ARMH3: variants seen among roughly 807,000 people sequenced by gnomAD.
The protein encoded by ARMH3 is armadillo-like helical domain-containing protein 3.
In ARMH3, 60 loss-of-function variants were observed where a neutral mutation model predicts 99.1. The ratio of observed to expected loss-of-function variants is 0.61; its 90% CI spans 0.49 to 0.75. The LOEUF (loss-of-function observed/expected upper bound fraction) is 0.75. Ranked by LOEUF, ARMH3 falls within the 30% of genes least tolerant of loss-of-function variation. The pLI, the probability that ARMH3 is intolerant of heterozygous loss-of-function variation, is 0.00. For missense variants in ARMH3, 679 were observed against 843.1 expected, an observed-to-expected ratio of 0.81 and a Z score of 2.41; for synonymous variants, 285 against 292.8, an observed-to-expected ratio of 0.97 and a Z score of 0.27.
chr10:101,914,864 CAAA>C (rs373264871), intron 23 of ARMH3, among the ~76,000 whole-genome samples: 2 of 66,598 alleles, frequency 3.0e-5, no homozygotes, highest in African/African-American at 1.3e-4. Context: ...AAATCCATCT[CAAA>C]AAAAAAAAAA....
chr10:101,988,642 G>T (rs1397183996), intron 19 of ARMH3, among the ~76,000 whole-genome samples: 2 of 152,204 alleles, frequency 1.3e-5, no homozygotes, highest in Admixed American at 6.5e-5. Flanking sequence ...AAGCCGGAAG[G>T]TTGGGCACAG....
intron 22 of ARMH3, among the ~76,000 whole-genome samples, chr10:101,954,440 G>A (rs913340731): frequency 6.6e-6 from 1 of 152,148 alleles, no homozygotes; most frequent in Non-Finnish European, 1.5e-5. Context: ...AGACTCAAAA[G>A]GTTATATCAT....
intron 19 of ARMH3, among the ~76,000 whole-genome samples, chr10:101,986,130 C>T (rs908765751): frequency 6.6e-6 from 1 of 152,162 alleles, no homozygotes; most frequent in African/African-American, 2.4e-5. Context: ...GGGCTTCTTT[C>T]ATGCTTGTAG....
At chr10:101,943,196 A>T (rs1844320989) in intron 22 of ARMH3, among the ~76,000 whole-genome samples, 1 of 152,194 alleles carries the variant, frequency 6.6e-6, no homozygotes, top group Admixed American at 6.5e-5. Flanking sequence ...GCAAGGAGGG[A>T]GTTTGACAGA....
intron 23 of ARMH3, among the ~76,000 whole-genome samples, chr10:101,894,259 G>A (rs2067763748): frequency 6.6e-6 from 1 of 152,182 alleles, no homozygotes; most frequent in African/African-American, 2.4e-5. Flanking sequence ...AAGAAAAATA[G>A]TCTAACACTG....
At chr10:101,890,216 TC>T (rs1313979702) in intron 23 of ARMH3, among the ~76,000 whole-genome samples, 1 of 150,234 alleles carries the variant, frequency 6.7e-6, no homozygotes, top group Non-Finnish European at 1.5e-5. Context: ...GAGAGACAAA[TC>T]TCTTTTTTTC....
In ARMH3 at chr10:101,956,709, A is replaced by G; in HGVS notation, c.1593T>C (p.Phe531=). The G allele has an allele frequency of 6.2e-7, 1 of 1,613,222 alleles. No individual in the cohort carries two copies. Among genetic ancestry groups the G allele is most frequent in the Non-Finnish European group, 8.5e-7 (1 of 1,179,318 alleles). The change falls in exon 22 of 26, where the codon TTT becomes TTC. Residue 531 remains phenylalanine (F), a synonymous_variant. Coordinates refer to ENST00000370033, the MANE Select transcript of ARMH3 (RefSeq NM_024541.3). The part of the protein sequence containing the change: ...FTLALMIVNL[F]NMFITYGDTF... ...TGTCGCCATATGTGATAAACATATT[A>G]AATAGGTTCACAATCTAAAAAAGAA...
intron 23 of ARMH3, among the ~76,000 whole-genome samples, chr10:101,908,657 T>C (rs1447157762): frequency 2.0e-5 from 3 of 151,192 alleles, no homozygotes; most frequent in African/African-American, 7.3e-5. Context: ...GTGGGTTTTT[T>C]CTTTTTCTTT....
chr10:101,953,502 G>C lies in ARMH3; in HGVS notation c.1705+3095C>G, dbSNP rs939097550. Among the ~76,000 whole-genome samples, 3 of 147,462 alleles carry C rather than the reference G, an allele frequency of 2.0e-5. No homozygotes were observed. The South Asian group carries it at 6.5e-4, about 32-fold the overall frequency. ...TCTTGATCCTCCCGCCTGGGACTCT[G>C]AAAGTGCTGGGATTACAAACGTCAG... On this transcript the variant is annotated intron_variant, in intron 22 of 25. Transcript: ENST00000370033.
chr10:101,953,000 G>A (rs1844860302), intron 22 of ARMH3, among the ~76,000 whole-genome samples: 1 of 152,152 alleles, frequency 6.6e-6, no homozygotes, highest in African/African-American at 2.4e-5. Context: ...CTTTCCTTTT[G>A]AAGGCTGCAT....
chr10:102,011,763 T>C lies in ARMH3; in HGVS notation c.791A>G (p.Glu264Gly), dbSNP rs1432513771. ...EYNRQYKDKE[E>G]EHQSGFFSAL... ...AGAGAAAAAACCACTTTGGTGTTCT[T>C]CTTCCTTGTCTTTATACTGCCTAAA... Residue 264 changes from glutamate (E) to glycine (G), a missense_variant, in exon 11 of 26, where the codon GAA becomes GGA. By Grantham distance (98) the Glu-to-Gly change is moderately conservative (BLOSUM62 -2). This residue lies in a region of ARMH3 where 280 missense variants were observed against 354.6 expected (regional missense o/e 0.79). Transcript: ENST00000370033. 1 of 1,610,822 alleles carries C rather than the reference T, an allele frequency of 6.2e-7. No homozygotes were observed. Among genetic ancestry groups the C allele is most frequent in the Non-Finnish European group, 8.5e-7 (1 of 1,178,310 alleles).
At chr10:101,850,396 G>A (rs1187051864) in intron 24 of ARMH3, among the ~76,000 whole-genome samples, 1 of 148,166 alleles carries the variant, frequency 6.7e-6, no homozygotes, top group African/African-American at 2.5e-5. Context: ...ATTGAGCCTG[G>A]CCAACTTTCT....
intron 24 of ARMH3, among the ~76,000 whole-genome samples, chr10:101,888,733 T>C (rs989018766): frequency 6.6e-6 from 1 of 152,212 alleles, no homozygotes; most frequent in Non-Finnish European, 1.5e-5. Context: ...TCTTATTTAG[T>C]GCTTTTTAAA....
intron 1 of ARMH3, among the ~76,000 whole-genome samples, chr10:102,047,360 C>A (rs571515561): frequency 1.3e-5 from 2 of 152,218 alleles, no homozygotes; most frequent in African/African-American, 2.4e-5. Flanking sequence ...AGAGTCTGTA[C>A]AATCCTCAGC....
At chr10:101,915,399 G>A (rs1485669168) in intron 23 of ARMH3, among the ~76,000 whole-genome samples, 1 of 152,184 alleles carries the variant, frequency 6.6e-6, no homozygotes, top group African/African-American at 2.4e-5. Flanking sequence ...GTAGTCAGCA[G>A]TGAGCACACT....
chr10:102,012,583 CA>C (rs1345742737), intron 10 of ARMH3, among the ~76,000 whole-genome samples: 1 of 152,076 alleles, frequency 6.6e-6, no homozygotes, highest in Non-Finnish European at 1.5e-5. Flanking sequence ...AATAAAATAC[CA>C]AAAGTTGCAA....
At chr10:101,983,813 A>G (rs1464619652) in intron 19 of ARMH3, among the ~76,000 whole-genome samples, 1 of 152,174 alleles carries the variant, frequency 6.6e-6, no homozygotes, top group Non-Finnish European at 1.5e-5. Context: ...TTTGTAATAA[A>G]CTGGTAAATG....
chr10:101,953,870 T>C (rs1340469983), intron 22 of ARMH3, among the ~76,000 whole-genome samples: 1 of 152,136 alleles, frequency 6.6e-6, no homozygotes, highest in African/African-American at 2.4e-5. Context: ...AAAATCCCAT[T>C]GCTAGGTACA....
intron 10 of ARMH3, 26 bp downstream of exon 10, chr10:102,012,807 C>T: frequency 6.3e-7 from 1 of 1,594,222 alleles, no homozygotes; most frequent in Non-Finnish European, 8.6e-7. Flanking sequence ...ATCAGACCCC[C>T]TTCCATTCTG....
Sources: gnomAD v4.1 joint callset for allele counts (sites outside exome capture counted in the v4.1 genomes callset) on GRCh38, gnomAD v4.1.1 for gene constraint, gnomAD v4.1.1 regional missense constraint, MANE v1.5 for transcripts, NCBI Gene and HGNC (gene_info 2026-07-23, HGNC 2026-07-21) for gene names.